Variants in FLNB observed in about 807,000 individuals in gnomAD.
The protein encoded by FLNB is filamin B.
Under a neutral mutation model 250.6 loss-of-function variants are expected in FLNB, and 111 were observed. The observed-to-expected ratio is 0.44, with a 90% CI of 0.38 to 0.52. The LOEUF (loss-of-function observed/expected upper bound fraction) is 0.52. Ranked by LOEUF, FLNB falls within the 20% of genes least tolerant of loss-of-function variation. The pLI, the probability that FLNB is intolerant of heterozygous loss-of-function variation, is 0.00. For missense variants in FLNB, 2,869 were observed against 3,447.8 expected (o/e 0.83, Z 4.20); for synonymous variants, 1,302 against 1,372.1 (o/e 0.95, Z 1.13).
Position 58,112,210 on chromosome 3 carries a change from G to C in FLNB, c.2637G>C (p.Pro879=), listed in dbSNP as rs149334776. The C allele has an allele frequency of 2.5e-4, 401 of 1,613,922 alleles. No individual in the cohort carries two copies. The highest frequency in any genetic ancestry group is 3.3e-4 in the Non-Finnish European group (392 of 1,179,938). ...TVYTKGAGKA[P]LNVQFNSPLP... ...ACACCAAGGGGGCTGGGAAAGCCCC[G>C]CTCAACGTGCAGTTCAACAGCCCTC... The change falls in exon 18 of 46, where the codon CCG becomes CCC. Residue 879 remains proline (P), a synonymous_variant. Transcript: ENST00000295956.
rs941926874 is a variant in FLNB, at chr3:58,169,916, A to T, written c.7621+123A>T. ...ACCCCCATGTAGGCCAGCCGTTTGC[A>T]AGTAACCATCGTCATGACCCTGTTC... is the stretch of plus-strand genomic sequence containing the variant. On this transcript the variant is annotated intron_variant, in intron 45 of 45. Coordinates refer to ENST00000295956, the MANE Select transcript of FLNB (RefSeq NM_001457.4). The surrounding 1 kb of genome is among the most constrained non-coding windows in gnomAD (Gnocchi z 4.8). 15 of 672,076 alleles carry T rather than the reference A, an allele frequency of 2.2e-5. No homozygotes were observed. The African/African-American group carries it at 2.7e-4, about 12-fold the overall frequency. The allele number at this position is 672,076 out of a possible 1,614,324, so 41.6% of individuals were successfully genotyped here. A position where few individuals can be genotyped will look rare whatever the true frequency, so the allele number is the denominator to read the frequency against.
Position 58,125,681 on chromosome 3 carries a change from C to G in FLNB, c.3999C>G (p.Ala1333=). 6.2e-7 allele frequency: 1 copy of G among 1,614,108 alleles called. No individual in the cohort carries two copies. Among genetic ancestry groups the G allele is most frequent in the South Asian group, 1.1e-5 (1 of 91,080 alleles). The change falls in exon 23 of 46, where the codon GCC becomes GCG. Residue 1333 remains alanine (A), a synonymous_variant. Transcript: ENST00000295956. The part of the protein sequence containing the change: ...TEGCQPSRVQ[A]QGPGLKEAFT... ...GCTGCCAGCCATCTAGGGTGCAAGCCCAAGGACCTGGATTGAAAGAGGCCT... is the reference window on the plus strand; with the variant it reads ...GCTGCCAGCCATCTAGGGTGCAAGCGCAAGGACCTGGATTGAAAGAGGCCT...
chr3:58,145,155 C>T (rs1047306479), intron 32 of FLNB, among the ~76,000 whole-genome samples: 3 of 152,232 alleles, frequency 2.0e-5, no homozygotes, highest in African/African-American at 7.2e-5. Context: ...TTTCTCACAT[C>T]TGCCATCCAC....
At chr3:58,136,743 A>ATTTTTT (rs1411180386) in intron 28 of FLNB, among the ~76,000 whole-genome samples, 11 of 75,170 alleles carry the variant, frequency 1.5e-4, no homozygotes, top group African/African-American at 7.1e-4. Flanking sequence ...GTCACAGGCC[A>ATTTTTT]TTCTTTTTTT....
At chr3:58,036,109 C>G (rs1306236850) in intron 1 of FLNB, among the ~76,000 whole-genome samples, 1 of 152,146 alleles carries the variant, frequency 6.6e-6, no homozygotes, top group Non-Finnish European at 1.5e-5. Context: ...AAAGAGGACC[C>G]TAGAGCACAG....
chr3:58,132,753 G>C (rs938473887), intron 25 of FLNB, 55 bp from the exon 26 acceptor site: 1 of 1,612,982 alleles, frequency 6.2e-7, no homozygotes, highest in Middle Eastern at 1.7e-4. Context: ...CTCAGCCAAG[G>C]GTGGAGTAAA....
intron 1 of FLNB, among the ~76,000 whole-genome samples, chr3:58,009,263 G>A (rs1172874145): frequency 6.6e-6 from 1 of 152,184 alleles, no homozygotes; most frequent in Non-Finnish European, 1.5e-5. Context: ...GCTGCGCCCA[G>A]GTTGGTGCTC....
intron 31 of FLNB, among the ~76,000 whole-genome samples, chr3:58,143,015 T>C (rs1337806563): frequency 6.6e-6 from 1 of 152,226 alleles, no homozygotes; most frequent in African/African-American, 2.4e-5. Context: ...AAAACTGCTG[T>C]GTTTAGATAC....
intron 4 of FLNB, among the ~76,000 whole-genome samples, chr3:58,084,191 C>CAAAAAAAAA (rs771340069): frequency 1.5e-5 from 1 of 64,562 alleles, no homozygotes; most frequent in Admixed American, 1.8e-4. Flanking sequence ...GACTCTGTCT[C>CAAAAAAAAA]AAAAAAAAAA....
chr3:58,070,555 T>C (rs1006635392), intron 1 of FLNB, among the ~76,000 whole-genome samples: 1 of 152,010 alleles, frequency 6.6e-6, no homozygotes, highest in African/African-American at 2.4e-5. Flanking sequence ...GGGGGCAGAG[T>C]GCACAGTGCA....
intron 1 of FLNB, among the ~76,000 whole-genome samples, chr3:58,050,703 CAGATT>C (rs990921314): frequency 7.2e-5 from 11 of 152,142 alleles, no homozygotes; most frequent in Non-Finnish European, 7.4e-5. Context: ...CATTCAATGT[CAGATT>C]AGAATTTGGA....
chr3:58,017,703 CTG>C, intron 1 of FLNB, among the ~76,000 whole-genome samples: 1 of 152,302 alleles, frequency 6.6e-6, no homozygotes, highest in Non-Finnish European at 1.5e-5. Flanking sequence ...CTTCTGCAAA[CTG>C]TTTATTTTTA....
At chr3:58,027,862 C>T (rs2097125614) in intron 1 of FLNB, among the ~76,000 whole-genome samples, 1 of 152,196 alleles carries the variant, frequency 6.6e-6, no homozygotes, top group African/African-American at 2.4e-5. Flanking sequence ...AACAGCGTCA[C>T]TAGGTAAATG....
intron 39 of FLNB, 125 bp from the exon 40 acceptor site, chr3:58,154,666 G>A: frequency 9.9e-7 from 1 of 1,006,048 alleles, no homozygotes; most frequent in Non-Finnish European, 1.6e-6. Context: ...GTTCTGCTTG[G>A]GGTTGGAGAA....
At chr3:58,093,508 A>G (rs1028257566) in intron 4 of FLNB, among the ~76,000 whole-genome samples, 1 of 152,174 alleles carries the variant, frequency 6.6e-6, no homozygotes, top group African/African-American at 2.4e-5. Flanking sequence ...CCGGGAGCCC[A>G]CTAAGAGTTG....
chr3:58,149,453 A>C (rs961966130), intron 36 of FLNB: 3 of 306,370 alleles, frequency 9.8e-6, no homozygotes, highest in African/African-American at 6.5e-5. Flanking sequence ...ATGCTGACCT[A>C]GCTGAGGTAG....
chr3:58,130,279 C>T (rs1028712759), intron 24 of FLNB, among the ~76,000 whole-genome samples: 2 of 152,170 alleles, frequency 1.3e-5, no homozygotes, highest in African/African-American at 2.4e-5. Context: ...TCTCCTCCCT[C>T]GCCTCTAGGC....
At position 58,098,749 on chromosome 3, in the gene FLNB, C is replaced by T. The variant is rs774588966; in HGVS notation, c.1186C>T (p.Pro396Ser). The change falls in exon 8 of 46, where the codon CCC becomes TCC. Residue 396 changes from proline (P) to serine (S), a missense_variant. Around this residue, in one of 5 missense-constraint regions of FLNB, gnomAD observed 1,348 missense variants for 1,466.7 expected, o/e 0.92. Coordinates refer to ENST00000295956, the MANE Select transcript of FLNB (RefSeq NM_001457.4). ...VGDIGVEVED[P>S]QGKNTVELLV... is the part of the protein sequence containing the mutation. ...TGACATTGGTGTGGAGGTGGAAGAT[C>T]CCCAGGGGAAGAACACCGTGGAGTT... 1.7e-5 allele frequency: 27 copies of T among 1,613,960 alleles called. No individual in the cohort carries two copies. Among genetic ancestry groups the T allele is most frequent in the Non-Finnish European group, 2.2e-5 (26 of 1,180,026 alleles).
At chr3:58,027,254 G>T (rs545632238) in intron 1 of FLNB, among the ~76,000 whole-genome samples, 1 of 152,044 alleles carries the variant, frequency 6.6e-6, no homozygotes, top group African/African-American at 2.4e-5. Context: ...CCAGGTTCAA[G>T]GGATTCTCCT....
Sources: gnomAD v4.1 joint callset for allele counts (sites outside exome capture counted in the v4.1 genomes callset) on GRCh38, gnomAD v4.1.1 for gene constraint, gnomAD v4.1.1 regional missense constraint, Gnocchi (gnomAD v3.1) non-coding constraint, MANE v1.5 for transcripts, NCBI Gene and HGNC (gene_info 2026-07-23, HGNC 2026-07-21) for gene names.